The following NOTCH2NLB variants were observed in gnomAD, a reference collection of about 807,000 sequenced individuals.
The protein encoded by NOTCH2NLB is notch homolog 2 N-terminal-like protein B.
A neutral mutation model predicts 14.8 loss-of-function variants in NOTCH2NLB; 1 was observed. That is an observed-to-expected ratio of 0.07 (90% CI 0.02 to 0.32). NOTCH2NLB has a LOEUF of 0.32. Ranked by LOEUF, NOTCH2NLB falls within the 10% of genes least tolerant of loss-of-function variation. The pLI is 1.00. For synonymous variants in NOTCH2NLB, 6 were observed against 57.5 expected (o/e 0.10, Z 4.05); for missense variants, 11 against 155.0 (o/e 0.07, Z 4.93).
At chr1:148,651,158 AAAAAAT>A (rs1430711764) in intron 1 of NOTCH2NLB, among the ~76,000 whole-genome samples, 42 of 81,334 alleles carry the variant, frequency 5.2e-4, no homozygotes, top group South Asian at 9.1e-4. Flanking sequence ...AAAAAAAAAA[AAAAAAT>A]ATATATATAT....
chr1:148,609,609 C>A (rs1663619370), intron 3 of NOTCH2NLB, among the ~76,000 whole-genome samples: 3 of 143,586 alleles, frequency 2.1e-5, no homozygotes, highest in Non-Finnish European at 4.6e-5. Flanking sequence ...GGGTATATAC[C>A]CAGTACTGGG....
chr1:148,645,785 CTCA>C (rs1181688408), intron 1 of NOTCH2NLB, among the ~76,000 whole-genome samples: 3 of 150,892 alleles, frequency 2.0e-5, no homozygotes, highest in Non-Finnish European at 4.4e-5. Context: ...CCTTGTAACA[CTCA>C]TGACTCTCAA....
At chr1:148,610,373 G>GAAACAA (rs1484773225) in intron 3 of NOTCH2NLB, among the ~76,000 whole-genome samples, 3 of 89,212 alleles carry the variant, frequency 3.4e-5, no homozygotes, top group Non-Finnish European at 6.8e-5. Context: ...AAGAAAGAAA[G>GAAACAA]AGAAAGAAAG....
At chr1:148,686,726 T>TAA in the NOTCH2NLB span, among the ~76,000 whole-genome samples, 123 of 76,414 alleles carry the variant, frequency 1.6e-3, no homozygotes, top group East Asian at 5.1e-3. Flanking sequence ...CCTTTAAGAT[T>TAA]AAAAAAAAAA....
intron 3 of NOTCH2NLB, among the ~76,000 whole-genome samples, chr1:148,610,377 A>AAGAGAC (rs1382480578): frequency 8.6e-6 from 1 of 116,630 alleles, no homozygotes. Flanking sequence ...AAGAAAGAGA[A>AAGAGAC]AGAAAGAAAG....
chr1:148,622,402 G>A (rs1414067451), intron 2 of NOTCH2NLB, among the ~76,000 whole-genome samples: 2 of 92,964 alleles, frequency 2.2e-5, no homozygotes, highest in African/African-American at 1.0e-4. Flanking sequence ...GCTAGTAGAT[G>A]GAAGAGGCAG....
At chr1:148,638,565 T>G (rs1358765656) in intron 2 of NOTCH2NLB, among the ~76,000 whole-genome samples, 4 of 149,370 alleles carry the variant, frequency 2.7e-5, no homozygotes. Context: ...ACATGTTTTT[T>G]TTCCCCCAGC....
intron 1 of NOTCH2NLB, among the ~76,000 whole-genome samples, chr1:148,670,828 C>G (rs1336244629): frequency 3.9e-5 from 2 of 51,086 alleles, no homozygotes; most frequent in East Asian, 1.2e-3. Context: ...AATTCTGTTG[C>G]TACGTAAACC....
In NOTCH2NLB at chr1:148,679,686, A is replaced by G; in HGVS notation, c.-222T>C. ...CCGAAGCCCAGGCGCAAATGCCTCG[A>G]CTCCCCGCGCCCGGAGTCCGCCGCT... On this transcript the variant is annotated 5_prime_UTR_variant, in exon 1 of 5. Coordinates refer to ENST00000593495, the Ensembl canonical transcript of NOTCH2NLB. 6.0e-6 allele frequency: 6 copies of G among 998,790 alleles called. 2 individuals are homozygous for G. The highest frequency in any genetic ancestry group is 7.5e-6 in the Non-Finnish European group (6 of 798,466). 61.9% of individuals were successfully genotyped at this position (998,790 alleles called of 1,614,324 possible).
the NOTCH2NLB span, among the ~76,000 whole-genome samples, chr1:148,700,101 CTCCCACTT>C: frequency 6.6e-5 from 5 of 76,016 alleles, no homozygotes; most frequent in African/African-American, 2.1e-4. Flanking sequence ...CATCATTCAT[CTCCCACTT>C]ATAAGTGAGA....
intron 1 of NOTCH2NLB, among the ~76,000 whole-genome samples, chr1:148,658,930 A>C (rs1434785824): frequency 4.7e-5 from 7 of 148,950 alleles, no homozygotes; most frequent in Admixed American, 1.3e-4. Context: ...TACATCTTTT[A>C]AATTAAGACT....
intron 1 of NOTCH2NLB, among the ~76,000 whole-genome samples, chr1:148,643,439 T>TG (rs1252772075): frequency 5.6e-5 from 7 of 124,154 alleles, no homozygotes; most frequent in African/African-American, 1.2e-4. Context: ...CACTTGAACC[T>TG]GGGGGGCGGA....
At chr1:148,658,692 A>AG (rs1664575440) in intron 1 of NOTCH2NLB, among the ~76,000 whole-genome samples, 1 of 111,952 alleles carries the variant, frequency 8.9e-6, no homozygotes, top group Admixed American at 9.6e-5. Flanking sequence ...CCTCCCAAGT[A>AG]GCTGGGACCA....
chr1:148,610,361 GA>G lies in NOTCH2NLB; in HGVS notation c.338-2617del, dbSNP rs1480345455. Among the ~76,000 whole-genome samples the G allele has an allele frequency of 7.2e-4, 85 of 117,530 alleles. 2 individuals carry two copies. Among genetic ancestry groups the G allele is most frequent in the Non-Finnish European group, 1.3e-3 (73 of 56,462 alleles). 77.1% of individuals were successfully genotyped at this position (117,530 alleles called of 152,430 possible). A position where few individuals can be genotyped will look rare whatever the true frequency, so the allele number is the denominator to read the frequency against. On this transcript the variant is annotated intron_variant, in intron 3 of 4. Transcript: ENST00000593495. ...AGAAAGAAAGAAAGAAAGAAAGAAA[GA>G]AAGAAAGAAAGAGAAAGAAAGAAAG...
chr1:148,708,053 A>G, the NOTCH2NLB span, among the ~76,000 whole-genome samples: 1 of 71,828 alleles, frequency 1.4e-5, no homozygotes, highest in Non-Finnish European at 2.7e-5. Context: ...GATACCATAC[A>G]AGAGATACAA....
intron 1 of NOTCH2NLB, among the ~76,000 whole-genome samples, chr1:148,670,539 A>AAAAAATATAT (rs1445301786): frequency 1.1e-5 from 1 of 93,482 alleles, no homozygotes; most frequent in African/African-American, 4.3e-5. Context: ...TAAAAAAAAA[A>AAAAAATATAT]ATATATATAT....
Position 148,634,278 on chromosome 1 carries a change from C to A in NOTCH2NLB, c.77+5738G>T, listed in dbSNP as rs1664173466. Among the ~76,000 whole-genome samples the A allele has an allele frequency of 2.0e-5, 3 of 149,740 alleles. No homozygotes were observed. In the East Asian group the frequency reaches 5.8e-4, roughly 29 times the overall value. Reference sequence around the variant, plus strand: ...AATGTTCAGCTAAATAGGCACCGTACTTGAAGGAACTAGGCTGGCAGAACC... The same window carrying A: ...AATGTTCAGCTAAATAGGCACCGTAATTGAAGGAACTAGGCTGGCAGAACC... On this transcript the variant is annotated intron_variant, in intron 2 of 4. Transcript: ENST00000593495.
chr1:148,633,510 G>A (rs1474446683), intron 2 of NOTCH2NLB, among the ~76,000 whole-genome samples: 5 of 60,914 alleles, frequency 8.2e-5, no homozygotes, highest in Admixed American at 6.2e-4. Context: ...CCAAGAAAGC[G>A]CCACTGCACT....
chr1:148,684,939 A>C, the NOTCH2NLB span, among the ~76,000 whole-genome samples: 1 of 140,784 alleles, frequency 7.1e-6, no homozygotes, highest in Non-Finnish European at 1.6e-5. Flanking sequence ...AAAAAAAAAA[A>C]AACTTACCTA....
Sources: allele counts gnomAD v4.1 joint callset (sites outside exome capture counted in the v4.1 genomes callset), GRCh38; gene constraint gnomAD v4.1.1; transcripts MANE v1.5; gene names NCBI Gene and HGNC (gene_info 2026-07-23, HGNC 2026-07-21).